Variants in TG observed in about 807,000 individuals in gnomAD.
TG encodes thyroid hormones.
Under a neutral mutation model 324.7 loss-of-function variants are expected in TG, and 270 were observed. That is an observed-to-expected ratio of 0.83 (90% confidence interval 0.75 to 0.92). TG has a LOEUF of 0.92. Ranked by LOEUF, TG falls within the 40% of genes least tolerant of loss-of-function variation. The probability of loss-of-function intolerance (pLI) is 0.00; values close to 1 mark genes in which losing one functional copy is unlikely to be tolerated. For missense variants in TG, 3,591 were observed against 3,456.4 expected (o/e 1.04, Z -0.98); for synonymous variants, 1,401 against 1,327.0 (o/e 1.06, Z -1.21).
chr8:133,094,839 A>T, intron 41 of TG: 1 of 682,404 alleles, frequency 1.5e-6, no homozygotes, highest in Non-Finnish European at 2.6e-6. Context: ...ACTGAGGCCT[A>T]GAGAGACATC....
chr8:132,905,823 C>A (rs930876743), intron 16 of TG, among the ~76,000 whole-genome samples: 12 of 152,100 alleles, frequency 7.9e-5, no homozygotes, highest in African/African-American at 2.9e-4. Context: ...CCTGGGAGAA[C>A]CATGACAGTG....
Position 132,948,940 on chromosome 8 carries a change from A to C in TG, c.5398A>C (p.Lys1800Gln). 2 of 1,613,418 alleles carry C rather than the reference A, an allele frequency of 1.2e-6. No homozygotes were observed. The highest frequency in any genetic ancestry group is 1.7e-6 in the Non-Finnish European group (2 of 1,179,986). The change falls in exon 27 of 48, where the codon AAG (lysine) becomes CAG (glutamine). Residue 1800 changes from lysine (K) to glutamine (Q), a missense_variant. Coordinates refer to ENST00000220616, the MANE Select transcript of TG (RefSeq NM_003235.5). ...ILRLGDQEFI[K>Q]SLTPLEGTQD... ...GCGTCTTGGAGACCAGGAGTTCATC[A>C]AGAGTAAGTCTTTGCCATTTGTCCA...
chr8:132,944,817 C>T (rs1333268987), intron 26 of TG, among the ~76,000 whole-genome samples: 4 of 152,072 alleles, frequency 2.6e-5, no homozygotes, highest in East Asian at 3.8e-4. Flanking sequence ...TAAGACTTTC[C>T]GAAATCTTGA....
intron 41 of TG, among the ~76,000 whole-genome samples, chr8:133,057,801 G>A (rs896135407): frequency 2.0e-5 from 3 of 151,598 alleles, no homozygotes; most frequent in Non-Finnish European, 2.9e-5. Context: ...AAAAACAGAT[G>A]GGTAAAGCCA....
At chr8:132,903,147 C>T (rs1818166583) in intron 16 of TG, among the ~76,000 whole-genome samples, 1 of 152,068 alleles carries the variant, frequency 6.6e-6, no homozygotes, top group African/African-American at 2.4e-5. Context: ...ATTTATTGGC[C>T]TTATTGAATG....
intron 41 of TG, among the ~76,000 whole-genome samples, chr8:133,062,384 G>A (rs554736955): frequency 5.9e-4 from 90 of 152,362 alleles, no homozygotes; most frequent in African/African-American, 2.2e-3. Flanking sequence ...CAAGAAATGT[G>A]CTTCCCCAAA....
chr8:133,081,356 A>T (rs1257201502), intron 41 of TG, among the ~76,000 whole-genome samples: 1 of 152,248 alleles, frequency 6.6e-6, no homozygotes, highest in Non-Finnish European at 1.5e-5. Context: ...GTGAATGGTG[A>T]CTTTTCACCT....
intron 41 of TG, chr8:133,049,953 G>C (rs1360650853): frequency 2.5e-6 from 4 of 1,613,602 alleles, no homozygotes; most frequent in Non-Finnish European, 3.4e-6. Context: ...CTCTCGACCA[G>C]TGCTAAGAGA....
chr8:132,998,182 A>C (rs1382692290), intron 35 of TG, among the ~76,000 whole-genome samples: 1 of 152,166 alleles, frequency 6.6e-6, no homozygotes, highest in African/African-American at 2.4e-5. Context: ...GGGAAAGATA[A>C]AATGGCTTAT....
chr8:133,113,660 A>T, intron 44 of TG, 57 bp downstream of exon 44: 1 of 1,584,278 alleles, frequency 6.3e-7, no homozygotes, highest in South Asian at 1.1e-5. Context: ...GAGCAGACTC[A>T]GTTGGTGTTC....
chr8:132,935,863 G>A lies in TG; in HGVS notation c.5040G>A (p.Lys1680=), dbSNP rs1823501872. 6.2e-7 allele frequency: 1 copy of A among 1,611,894 alleles called. No homozygotes were observed. The highest frequency in any genetic ancestry group is 8.5e-7 in the Non-Finnish European group (1 of 1,179,732). ...ATTCTCCAGCTGTGTATTTGAAAAA[G>A]GGTAGGTTGGTCAGGCTGGTTGGCT... ...GQDSPAVYLK[K]GQGSTTTLQK... The change falls in exon 25 of 48, where the codon AAG becomes AAA. Residue 1680 remains lysine (K), a splice_region_variant and synonymous_variant. Coordinates refer to ENST00000220616, the MANE Select transcript of TG (RefSeq NM_003235.5).
chr8:132,956,787 A>G (rs1826942936), intron 27 of TG, among the ~76,000 whole-genome samples: 1 of 152,104 alleles, frequency 6.6e-6, no homozygotes, highest in Admixed American at 6.5e-5. Context: ...AGGGATGGGA[A>G]GGGGCCAAGG....
chr8:132,911,431 C>T lies in TG; in HGVS notation c.4057C>T (p.Gln1353Ter), dbSNP rs114157534. Reference protein sequence around the residue: ...SIPVCNNSSVQVGCLTRERLG... With the variant: ...SIPVCNNSSV ...TCCTGTCTGCAACAACTCCTCTGTG[C>T]AGGTGGGTTGTCTGACCAGGGAGCG... is the stretch of plus-strand genomic sequence containing the variant. Residue 1353 changes from glutamine (Q) to a stop codon, truncating the protein, a stop_gained, in exon 19 of 48, where the codon CAG becomes TAG. Coordinates refer to ENST00000220616, the MANE Select transcript of TG (RefSeq NM_003235.5). LOFTEE classifies it high-confidence loss of function. 1.2e-6 allele frequency: 2 copies of T among 1,614,062 alleles called. No homozygotes were observed. The highest frequency in any genetic ancestry group is 2.7e-5 in the African/African-American group (2 of 74,916).
intron 27 of TG, among the ~76,000 whole-genome samples, chr8:132,955,986 A>G (rs909362): frequency 0.8 from 121,327 of 152,218 alleles, 48,425 homozygotes; most frequent in Admixed American, 0.85. Context: ...GGAGGCCTGT[A>G]TGTGTAGAAG....
chr8:133,050,751 A>G, intron 41 of TG: 1 of 1,061,028 alleles, frequency 9.4e-7, no homozygotes, highest in Non-Finnish European at 1.5e-6. Context: ...ACAATCAAAT[A>G]CTTTTCTCCC....
chr8:133,021,288 C>A (rs916997899), intron 39 of TG, among the ~76,000 whole-genome samples: 10 of 152,170 alleles, frequency 6.6e-5, no homozygotes, highest in Non-Finnish European at 1.3e-4. Flanking sequence ...AAGATGGGTC[C>A]AGTCACAGAG....
chr8:133,058,163 C>T (rs1007802180), intron 41 of TG, among the ~76,000 whole-genome samples: 1 of 152,164 alleles, frequency 6.6e-6, no homozygotes, highest in Non-Finnish European at 1.5e-5. Context: ...ATCACTGCAC[C>T]GCCTTCCCCT....
chr8:133,106,147 G>A (rs557171913), intron 43 of TG, among the ~76,000 whole-genome samples: 31 of 152,298 alleles, frequency 2.0e-4, no homozygotes, highest in Non-Finnish European at 2.8e-4. Flanking sequence ...TTTGCCCAGC[G>A]AGGGGCTCCA....
At chr8:132,977,211 G>A (rs936529597) in intron 34 of TG, among the ~76,000 whole-genome samples, 3 of 152,152 alleles carry the variant, frequency 2.0e-5, no homozygotes, top group Non-Finnish European at 4.4e-5. Context: ...ATAATAGTAG[G>A]AAGTAGCCTC....
Sources: allele counts gnomAD v4.1 joint callset (sites outside exome capture counted in the v4.1 genomes callset), GRCh38; gene constraint gnomAD v4.1.1; transcripts MANE v1.5; gene names NCBI Gene and HGNC (gene_info 2026-07-23, HGNC 2026-07-21).